Variants in GNAL observed in about 807,000 individuals in gnomAD.
GNAL encodes the protein guanine nucleotide-binding protein G(olf) subunit alpha.
Under a neutral mutation model 55.1 loss-of-function variants are expected in GNAL, and 18 were observed. The observed-to-expected ratio is 0.33, with a 90% confidence interval of 0.23 to 0.48. The LOEUF (loss-of-function observed/expected upper bound fraction) is 0.48, where lower values mean the gene tolerates loss of function less well. Ranked by LOEUF, GNAL falls within the 20% of genes least tolerant of loss-of-function variation. GNAL has a pLI of 0.99. For missense variants in GNAL, 412 were observed against 614.1 expected (o/e 0.67, Z 3.48); for synonymous variants, 253 against 237.0 (o/e 1.07, Z -0.62).
At chr18:11,781,479 T>A (rs1392885206) in intron 4 of GNAL, among the ~76,000 whole-genome samples, 1 of 152,138 alleles carries the variant, frequency 6.6e-6, no homozygotes, top group Non-Finnish European at 1.5e-5. Flanking sequence ...CACTGCTACA[T>A]CAAGAATAGA....
intron 1 of GNAL, among the ~76,000 whole-genome samples, chr18:11,709,364 C>G (rs895266859): frequency 5.3e-5 from 8 of 149,576 alleles, no homozygotes; most frequent in Admixed American, 4.0e-4. Context: ...TAGGATTTCC[C>G]TGGGGATTGC....
intron 4 of GNAL, among the ~76,000 whole-genome samples, chr18:11,760,959 T>A: frequency 6.6e-6 from 1 of 152,136 alleles, no homozygotes. Context: ...ATTAAACATG[T>A]TAATATCTAA....
chr18:11,813,565 G>A (rs1396680318), intron 4 of GNAL, among the ~76,000 whole-genome samples: 1 of 152,200 alleles, frequency 6.6e-6, no homozygotes, highest in Non-Finnish European at 1.5e-5. Context: ...GTTAGAAAAG[G>A]AGAACAAAGT....
chr18:11,866,986 A>C (rs553069511), intron 7 of GNAL, among the ~76,000 whole-genome samples, 182 bp from the exon 8 acceptor site: 1 of 152,026 alleles, frequency 6.6e-6, no homozygotes, highest in Non-Finnish European at 1.5e-5. Context: ...CGGCTGAGAG[A>C]GGTGGAGCCA....
intron 1 of GNAL, among the ~76,000 whole-genome samples, chr18:11,696,284 T>G (rs962414184): frequency 6.6e-6 from 1 of 151,842 alleles, no homozygotes; most frequent in Non-Finnish European, 1.5e-5. Context: ...GGGTGGATCA[T>G]GAGGTCAGGA....
chr18:11,845,723 TAAAG>T (rs752618439), intron 5 of GNAL, among the ~76,000 whole-genome samples: 73 of 110,750 alleles, frequency 6.6e-4, no homozygotes, highest in Non-Finnish European at 8.6e-4. Flanking sequence ...AGGAAAGAAA[TAAAG>T]GAAGGAAGGG....
intron 4 of GNAL, among the ~76,000 whole-genome samples, chr18:11,754,168 G>T (rs561353253): frequency 6.6e-6 from 1 of 151,988 alleles, no homozygotes; most frequent in Non-Finnish European, 1.5e-5. Context: ...TAATCCCAGC[G>T]CTTTGGGAGG....
intron 1 of GNAL, among the ~76,000 whole-genome samples, chr18:11,704,243 C>T (rs1269569093): frequency 3.3e-5 from 5 of 152,184 alleles, no homozygotes; most frequent in East Asian, 1.9e-4. Flanking sequence ...CGGAACACAT[C>T]GTGGATCCCA....
chr18:11,778,808 A>T (rs2143336676), intron 4 of GNAL, among the ~76,000 whole-genome samples: 1 of 152,072 alleles, frequency 6.6e-6, no homozygotes, highest in Admixed American at 6.5e-5. Flanking sequence ...TAAAACCATG[A>T]GTGGGTCATG....
intron 5 of GNAL, among the ~76,000 whole-genome samples, chr18:11,843,982 A>AT (rs2035676684): frequency 6.6e-6 from 1 of 152,056 alleles, no homozygotes; most frequent in Non-Finnish European, 1.5e-5. Context: ...TCAAAAAAAA[A>AT]CAAAAAACTT....
At chr18:11,864,283 A>G (rs900244715) in intron 6 of GNAL, among the ~76,000 whole-genome samples, 1 of 151,952 alleles carries the variant, frequency 6.6e-6, no homozygotes, top group African/African-American at 2.4e-5. Flanking sequence ...TAGTAGAGAT[A>G]GGGTTTCACC....
chr18:11,771,679 G>A (rs1407082185), intron 4 of GNAL, among the ~76,000 whole-genome samples: 1 of 152,094 alleles, frequency 6.6e-6, no homozygotes, highest in Non-Finnish European at 1.5e-5. Flanking sequence ...AGTGGCAAGT[G>A]CAGTATGGCC....
intron 4 of GNAL, among the ~76,000 whole-genome samples, chr18:11,797,489 C>G (rs1417623798): frequency 2.6e-5 from 4 of 152,140 alleles, no homozygotes; most frequent in African/African-American, 9.7e-5. Flanking sequence ...CACCTGTAAT[C>G]CCAGCACTTT....
chr18:11,706,353 A>G (rs1449954695), intron 1 of GNAL, among the ~76,000 whole-genome samples: 1 of 152,166 alleles, frequency 6.6e-6, no homozygotes. Flanking sequence ...ATTTAAAAAT[A>G]TTGATAAAAA....
intron 1 of GNAL, among the ~76,000 whole-genome samples, chr18:11,703,795 G>GCGCA (rs1311432181): frequency 1.3e-4 from 18 of 141,496 alleles, no homozygotes; most frequent in African/African-American, 4.0e-4. Context: ...GTGTTGATGG[G>GCGCA]CACACACACA....
rs906975665 is a variant in GNAL at position 11,699,370 on chromosome 18, GT to G, written c.376+9441del. Among the ~76,000 whole-genome samples, 255 of 147,284 alleles carry G rather than the reference GT, an allele frequency of 1.7e-3. 1 individual carries two copies. The highest frequency in any genetic ancestry group is 5.9e-3 in the African/African-American group (239 of 40,250). ...CCACCACACCTGGCTAATTTTTGGG[GT>G]TTTTTTTTTATTTTTGTATTTTTAG... On this transcript the variant is annotated intron_variant, in intron 1 of 11. Transcript: ENST00000334049.
At chr18:11,808,294 C>G (rs184863455) in intron 4 of GNAL, among the ~76,000 whole-genome samples, 1 of 152,224 alleles carries the variant, frequency 6.6e-6, no homozygotes, top group East Asian at 1.9e-4. Context: ...CAGTGTGGCC[C>G]AGGAAGCTCA....
intron 4 of GNAL, among the ~76,000 whole-genome samples, chr18:11,795,949 C>T (rs2034366896): frequency 6.6e-6 from 1 of 152,146 alleles, no homozygotes; most frequent in African/African-American, 2.4e-5. Context: ...GGGGATAGAG[C>T]GTTCCTAGAC....
At chr18:11,818,433 C>G (rs988833862) in intron 4 of GNAL, among the ~76,000 whole-genome samples, 13 of 152,156 alleles carry the variant, frequency 8.5e-5, no homozygotes, top group African/African-American at 3.1e-4. Context: ...GGTTACTGTC[C>G]TGAAACTGCC....
Sources: gnomAD v4.1 joint callset for allele counts (sites outside exome capture counted in the v4.1 genomes callset) on GRCh38, gnomAD v4.1.1 for gene constraint, MANE v1.5 for transcripts, NCBI Gene and HGNC (gene_info 2026-07-23, HGNC 2026-07-21) for gene names.